Variants in PRR5L observed in about 807,000 individuals in gnomAD.
PRR5L encodes proline rich 5 like, also known as proline-rich protein 5-like.
A neutral mutation model predicts 36.4 loss-of-function variants in PRR5L; 21 were observed. The ratio of observed to expected loss-of-function variants is 0.58; its 90% CI spans 0.41 to 0.83. The LOEUF (loss-of-function observed/expected upper bound fraction) is 0.83, where lower values mean the gene tolerates loss of function less well. Ranked by LOEUF, PRR5L falls within the 40% of genes least tolerant of loss-of-function variation. The pLI, the probability that PRR5L is intolerant of heterozygous loss-of-function variation, is 0.00. For missense variants in PRR5L, 381 were observed against 473.3 expected (o/e 0.80, Z 1.81); for synonymous variants, 188 against 197.0 (o/e 0.95, Z 0.38).
intron 1 of PRR5L, among the ~76,000 whole-genome samples, chr11:36,325,757 G>A (rs999776670): frequency 2.6e-5 from 4 of 152,132 alleles, no homozygotes; most frequent in African/African-American, 4.8e-5. Context: ...CCTGTCTCTC[G>A]ATGATGTAAT....
intron 8 of PRR5L, among the ~76,000 whole-genome samples, chr11:36,456,341 A>G (rs986698409): frequency 1.3e-5 from 2 of 151,964 alleles, no homozygotes; most frequent in African/African-American, 2.4e-5. Flanking sequence ...GCCATGTCCT[A>G]TTTCTCAGCC....
chr11:36,320,836 T>G (rs1289042651), intron 1 of PRR5L, among the ~76,000 whole-genome samples: 2 of 152,228 alleles, frequency 1.3e-5, no homozygotes, highest in Non-Finnish European at 2.9e-5. Context: ...TAGAACCCTC[T>G]TGAGATTGTT....
At chr11:36,376,603 C>T (rs1010748157) in intron 1 of PRR5L, 9 of 990,258 alleles carry the variant, frequency 9.1e-6, no homozygotes, top group African/African-American at 7.0e-5. Context: ...AAAACTTCCT[C>T]GGGAAGACCG....
intron 5 of PRR5L, 104 bp from the exon 6 acceptor site, chr11:36,437,281 G>A (rs1238404605): frequency 6.0e-6 from 5 of 838,336 alleles, no homozygotes; most frequent in Non-Finnish European, 8.3e-6. Flanking sequence ...TTTTTAGCAT[G>A]TGCAGCTTGA....
chr11:36,339,976 C>T (rs972397275), intron 1 of PRR5L, among the ~76,000 whole-genome samples: 1 of 152,198 alleles, frequency 6.6e-6, no homozygotes. Context: ...CCAACTTCTT[C>T]TCTGAGCTCT....
At chr11:36,396,554 T>C (rs1023036548) in intron 1 of PRR5L, among the ~76,000 whole-genome samples, 2 of 152,232 alleles carry the variant, frequency 1.3e-5, no homozygotes, top group African/African-American at 4.8e-5. Flanking sequence ...CTTGGCAATT[T>C]AGAAATAACT....
intron 1 of PRR5L, among the ~76,000 whole-genome samples, chr11:36,394,899 G>T (rs1243888683): frequency 6.6e-6 from 1 of 152,160 alleles, no homozygotes; most frequent in Admixed American, 6.5e-5. Context: ...GTGAGTGAAT[G>T]GCAAAGTGAC....
Position 36,462,663 on chromosome 11 carries a change from A to AC in PRR5L, c.1037dup (p.Asp347Ter). On this transcript the variant is annotated frameshift_variant, in exon 9 of 9. Coordinates refer to ENST00000530639, the MANE Select transcript of PRR5L (RefSeq NM_001160167.2). LOFTEE classifies it high-confidence loss of function. Reference sequence around the variant, plus strand: ...TCCAGTGAGCCCAACATCACTGACAACCCTGACGGACTGGAGGAGGGGGCC... The same window carrying AC: ...TCCAGTGAGCCCAACATCACTGACAACCCCTGACGGACTGGAGGAGGGGGCC... The AC allele has an allele frequency of 1.2e-6, 2 of 1,609,360 alleles. No homozygotes were observed. Among genetic ancestry groups the AC allele is most frequent in the South Asian group, 2.2e-5 (2 of 90,610 alleles).
At chr11:36,340,507 T>G (rs1010462971) in intron 1 of PRR5L, among the ~76,000 whole-genome samples, 1 of 152,246 alleles carries the variant, frequency 6.6e-6, no homozygotes, top group African/African-American at 2.4e-5. Context: ...TTTTTATCAC[T>G]GCAGCCAATT....
At chr11:36,325,292 T>G (rs1856649753) in intron 1 of PRR5L, among the ~76,000 whole-genome samples, 1 of 152,250 alleles carries the variant, frequency 6.6e-6, no homozygotes, top group South Asian at 2.1e-4. Context: ...GGCGCCTCGC[T>G]GGATCAGGAG....
chr11:36,338,582 C>T (rs1358561682), intron 1 of PRR5L, among the ~76,000 whole-genome samples: 1 of 152,082 alleles, frequency 6.6e-6, no homozygotes, highest in Non-Finnish European at 1.5e-5. Context: ...ACTTCAACCC[C>T]TCATTCTAGA....
chr11:36,330,199 A>G (rs12421160), intron 1 of PRR5L, among the ~76,000 whole-genome samples: 14,628 of 152,278 alleles, frequency 0.096, 1,287 homozygotes, highest in African/African-American at 0.24. Flanking sequence ...GTTTACAGAC[A>G]TATAATCTAC....
At chr11:36,361,711 C>A (rs1257584943) in intron 1 of PRR5L, among the ~76,000 whole-genome samples, 1 of 152,138 alleles carries the variant, frequency 6.6e-6, no homozygotes, top group Non-Finnish European at 1.5e-5. Flanking sequence ...AAGAGACAAC[C>A]TTTTTCATTA....
chr11:36,333,466 A>G (rs1460378683), intron 1 of PRR5L, among the ~76,000 whole-genome samples: 4 of 152,244 alleles, frequency 2.6e-5, no homozygotes, highest in African/African-American at 9.6e-5. Context: ...CCCAAACAGT[A>G]AACAACCCAA....
chr11:36,447,161 G>A (rs563467666), intron 7 of PRR5L, among the ~76,000 whole-genome samples: 57 of 152,320 alleles, frequency 3.7e-4, no homozygotes, highest in Admixed American at 7.2e-4. Flanking sequence ...GGCCAAGGAC[G>A]TTAAGTGTGT....
At chr11:36,443,430 A>G (rs1354794898) in intron 6 of PRR5L, among the ~76,000 whole-genome samples, 1 of 152,216 alleles carries the variant, frequency 6.6e-6, no homozygotes, top group African/African-American at 2.4e-5. Flanking sequence ...GGAGGGGACA[A>G]ATATCCAAAC....
At chr11:36,402,554 T>C (rs1488379760) in intron 2 of PRR5L, among the ~76,000 whole-genome samples, 1 of 152,226 alleles carries the variant, frequency 6.6e-6, no homozygotes, top group African/African-American at 2.4e-5. Context: ...ATTATGGATA[T>C]TTTAAATGAA....
chr11:36,297,948 A>G (rs985632974), intron 1 of PRR5L, among the ~76,000 whole-genome samples: 10 of 152,216 alleles, frequency 6.6e-5, no homozygotes, highest in Admixed American at 6.5e-4. Context: ...TACTTGGTTA[A>G]TGCTGTGGCA....
At chr11:36,436,516 A>G (rs1470515365) in intron 5 of PRR5L, among the ~76,000 whole-genome samples, 1 of 152,182 alleles carries the variant, frequency 6.6e-6, no homozygotes, top group Non-Finnish European at 1.5e-5. Context: ...CAGCATCAGG[A>G]GGCAGGTGCT....
Sources: gnomAD v4.1 joint callset for allele counts (sites outside exome capture counted in the v4.1 genomes callset) on GRCh38, gnomAD v4.1.1 for gene constraint, MANE v1.5 for transcripts, NCBI Gene and HGNC (gene_info 2026-07-23, HGNC 2026-07-21) for gene names.